The following LRP1B variants were observed in gnomAD, a reference collection of about 807,000 sequenced individuals.
LRP1B encodes the protein low-density lipoprotein receptor-related protein 1B.
A neutral mutation model predicts 556.6 loss-of-function variants in LRP1B; 217 were observed. That is an observed-to-expected ratio of 0.39 (90% CI 0.35 to 0.44). The LOEUF (loss-of-function observed/expected upper bound fraction) is 0.44. LRP1B is among the 20% of genes least tolerant of loss of function. The pLI, the probability that LRP1B is intolerant of heterozygous loss-of-function variation, is 1.00. For synonymous variants in LRP1B, 2,047 were observed against 1,865.8 expected (o/e 1.10, Z -2.50); for missense variants, 5,053 against 5,620.8 (o/e 0.90, Z 3.23).
chr2:140,793,513 T>C (rs941908476), intron 32 of LRP1B, among the ~76,000 whole-genome samples: 1 of 151,998 alleles, frequency 6.6e-6, no homozygotes, highest in Non-Finnish European at 1.5e-5. Flanking sequence ...AAATAAATAA[T>C]ACTGTAAAAT....
intron 7 of LRP1B, among the ~76,000 whole-genome samples, chr2:141,089,639 G>A (rs1700129147): frequency 6.6e-6 from 1 of 152,156 alleles, no homozygotes; most frequent in East Asian, 1.9e-4. Context: ...GCATCCCACT[G>A]GGGAAACTTT....
intron 63 of LRP1B, among the ~76,000 whole-genome samples, chr2:140,448,843 G>T (rs1233297966): frequency 6.6e-6 from 1 of 151,936 alleles, no homozygotes; most frequent in Non-Finnish European, 1.5e-5. Flanking sequence ...ATACATATAT[G>T]ATAACATCAT....
chr2:141,774,059 T>C (rs1694982512), intron 2 of LRP1B, among the ~76,000 whole-genome samples: 1 of 152,226 alleles, frequency 6.6e-6, no homozygotes, highest in Non-Finnish European at 1.5e-5. Context: ...ATCTCTTTTT[T>C]CCAAGAACTT....
intron 66 of LRP1B, among the ~76,000 whole-genome samples, chr2:140,428,732 A>G (rs1004054038): frequency 2.0e-5 from 3 of 152,120 alleles, no homozygotes; most frequent in Non-Finnish European, 4.4e-5. Flanking sequence ...CCCACTCCAC[A>G]CTACCGTCTT....
intron 3 of LRP1B, among the ~76,000 whole-genome samples, chr2:141,439,251 G>A (rs985016648): frequency 9.2e-5 from 14 of 152,122 alleles, no homozygotes; most frequent in African/African-American, 2.9e-4. Flanking sequence ...TGAGAAGTTC[G>A]TATGCTTTAG....
At chr2:141,003,841 A>C (rs574381770) in intron 15 of LRP1B, among the ~76,000 whole-genome samples, 12 of 152,190 alleles carry the variant, frequency 7.9e-5, no homozygotes, top group Admixed American at 3.3e-4. Context: ...CATCCATACC[A>C]GTGTAAGCAT....
chr2:140,402,876 A>G (rs1053225725), intron 66 of LRP1B, among the ~76,000 whole-genome samples: 1 of 152,206 alleles, frequency 6.6e-6, no homozygotes, highest in African/African-American at 2.4e-5. Context: ...AGTAAATGAG[A>G]AAGTGCATAC....
At chr2:141,457,287 C>T (rs768281565) in intron 3 of LRP1B, among the ~76,000 whole-genome samples, 1 of 152,008 alleles carries the variant, frequency 6.6e-6, no homozygotes, top group Non-Finnish European at 1.5e-5. Flanking sequence ...ACAAGACAGA[C>T]TGAAGGAATA....
intron 2 of LRP1B, among the ~76,000 whole-genome samples, chr2:141,666,810 A>G (rs1392191878): frequency 6.6e-6 from 1 of 152,176 alleles, no homozygotes; most frequent in Non-Finnish European, 1.5e-5. Flanking sequence ...ACTCTAGGAG[A>G]AACATGTTAA....
chr2:142,088,565 C>T (rs1165339363), intron 1 of LRP1B, among the ~76,000 whole-genome samples: 1 of 152,084 alleles, frequency 6.6e-6, no homozygotes, highest in African/African-American at 2.4e-5. Context: ...GATACCTTCG[C>T]CTACAAAAAA....
chr2:140,854,715 C>T lies in LRP1B; in HGVS notation c.4580-2932G>A, dbSNP rs183235287. Reference sequence around the variant, plus strand: ...CACGTGCATTGGTTTACATATTAGCCATGGCTGTTATCATACTGCAATAGT... The same window carrying T: ...CACGTGCATTGGTTTACATATTAGCTATGGCTGTTATCATACTGCAATAGT... On this transcript the variant is annotated intron_variant, in intron 27 of 90. Transcript: ENST00000389484. Among the ~76,000 whole-genome samples, 128 of 152,186 alleles carry T rather than the reference C, an allele frequency of 8.4e-4. 1 individual carries two copies. The highest frequency in any genetic ancestry group is 2.8e-3 in the African/African-American group (117 of 41,528).
At chr2:141,934,178 T>C (rs1462849139) in intron 1 of LRP1B, among the ~76,000 whole-genome samples, 1 of 152,002 alleles carries the variant, frequency 6.6e-6, no homozygotes, top group Non-Finnish European at 1.5e-5. Flanking sequence ...TTAGTGTTGA[T>C]GACAGAATCA....
chr2:140,451,853 A>T (rs1686900399), intron 62 of LRP1B, among the ~76,000 whole-genome samples: 1 of 152,272 alleles, frequency 6.6e-6, no homozygotes, highest in South Asian at 2.1e-4. Context: ...CCTAAAAAAA[A>T]AACTTTTCAC....
intron 60 of LRP1B, among the ~76,000 whole-genome samples, chr2:140,472,616 T>C (rs1277724870): frequency 2.0e-5 from 3 of 152,094 alleles, no homozygotes; most frequent in Admixed American, 6.6e-5. Context: ...AAGGCACATG[T>C]ACCTTGGAGA....
chr2:140,607,645 ACACAC>A (rs1173809433), intron 41 of LRP1B, among the ~76,000 whole-genome samples: 2 of 141,810 alleles, frequency 1.4e-5, no homozygotes, highest in East Asian at 4.3e-4. Context: ...ACACACACAC[ACACAC>A]ACACACACAT....
At chr2:141,430,619 ATT>A (rs58187346) in intron 3 of LRP1B, among the ~76,000 whole-genome samples, 2 of 151,254 alleles carry the variant, frequency 1.3e-5, no homozygotes, top group African/African-American at 2.4e-5. Flanking sequence ...TTCAATTTTT[ATT>A]TTTTTTTAAT....
intron 11 of LRP1B, among the ~76,000 whole-genome samples, chr2:141,046,640 G>T (rs1385485267): frequency 6.6e-6 from 1 of 152,086 alleles, no homozygotes; most frequent in African/African-American, 2.4e-5. Flanking sequence ...GATCTCTGTT[G>T]TGATAGGTGG....
At chr2:140,565,016 AT>A (rs1197862910) in intron 43 of LRP1B, among the ~76,000 whole-genome samples, 2 of 151,870 alleles carry the variant, frequency 1.3e-5, no homozygotes, top group East Asian at 3.9e-4. Context: ...TTACTTTAGG[AT>A]TTTTTTATTG....
chr2:141,568,132 A>G (rs2105258727), intron 2 of LRP1B, among the ~76,000 whole-genome samples: 1 of 151,326 alleles, frequency 6.6e-6, no homozygotes, highest in South Asian at 2.1e-4. Context: ...ATATGTAGAA[A>G]CAAAAACATA....
Sources: gnomAD v4.1 joint callset for allele counts (sites outside exome capture counted in the v4.1 genomes callset) on GRCh38, gnomAD v4.1.1 for gene constraint, MANE v1.5 for transcripts, NCBI Gene and HGNC (gene_info 2026-07-23, HGNC 2026-07-21) for gene names.